The following WDR3 variants were observed in gnomAD, a reference collection of about 807,000 sequenced individuals.
WDR3 encodes WD repeat domain 3.
In WDR3, 81 loss-of-function variants were observed where a neutral mutation model predicts 123.7. The observed-to-expected ratio is 0.65, with a 90% confidence interval of 0.55 to 0.79. The LOEUF is 0.79. Ranked by LOEUF, WDR3 falls within the 30% of genes least tolerant of loss-of-function variation. The probability of loss-of-function intolerance (pLI) is 0.00; values close to 1 mark genes in which losing one functional copy is unlikely to be tolerated. For missense variants in WDR3, 1,027 were observed against 1,123.2 expected, an observed-to-expected ratio of 0.91 and a Z score of 1.22; for synonymous variants, 390 against 388.8, an observed-to-expected ratio of 1.00 and a Z score of -0.04.
rs375357091 is a variant in WDR3 at position 117,955,317 on chromosome 1, T to C, written c.2412T>C (p.Pro804=). ...PILMAYGSIS[P]SAYVLEIFKG... is the part of the protein sequence containing the mutation. The stretch of plus-strand genomic sequence containing the variant: ...TGGTATTAATCCTTCCTTTATAGCC[T>C]TCAGCTTATGTATTAGAGATTTTTA... The change falls in exon 24 of 27, where the codon CCT becomes CCC. Residue 804 remains proline (P), a splice_region_variant and synonymous_variant. Coordinates refer to ENST00000349139, the MANE Select transcript of WDR3 (RefSeq NM_006784.3). 10 of 1,611,330 alleles carry C rather than the reference T, an allele frequency of 6.2e-6. No individual in the cohort carries two copies. The highest frequency in any genetic ancestry group is 1.6e-4 in the Middle Eastern group (1 of 6,072).
intron 2 of WDR3, chr1:117,933,796 T>C (rs1650820414): frequency 5.7e-6 from 2 of 350,566 alleles, no homozygotes; most frequent in Admixed American, 8.5e-5. Flanking sequence ...ACCAATTCTA[T>C]TTTTCAAGCT....
Position 117,946,163 on chromosome 1 carries a change from T to A in WDR3, c.1406T>A (p.Val469Glu). Reference protein sequence around the residue: ...CSFFVPGDRQVVIGTKTGKLQ... With the variant: ...CSFFVPGDRQEVIGTKTGKLQ... ...TTCTTTGTACCTGGTGATAGACAGG[T>A]AGTCATAGGAACAAAGGTAAATGGA... Residue 469 changes from valine (V) to glutamate (E), a missense_variant, in exon 12 of 27, where the codon GTA (valine) becomes GAA (glutamate). By Grantham distance (121) the Val-to-Glu change is moderately radical. Transcript: ENST00000349139. 1 of 1,611,558 alleles carries A rather than the reference T, an allele frequency of 6.2e-7. No individual in the cohort carries two copies. Among genetic ancestry groups the A allele is most frequent in the Non-Finnish European group, 8.5e-7 (1 of 1,178,506 alleles).
intron 1 of WDR3, among the ~76,000 whole-genome samples, chr1:117,931,593 G>A (rs543265438): frequency 2.0e-5 from 3 of 152,288 alleles, no homozygotes; most frequent in African/African-American, 7.2e-5. Flanking sequence ...TAGTATTCAT[G>A]TAGGTGGAAA....
At chr1:117,940,076 C>T (rs1404325162) in intron 6 of WDR3, among the ~76,000 whole-genome samples, 1 of 152,114 alleles carries the variant, frequency 6.6e-6, no homozygotes, top group South Asian at 2.1e-4. Flanking sequence ...GTTATCTTTT[C>T]TTTATTTAAG....
At chr1:117,937,866 A>G (rs1479344981) in intron 4 of WDR3, among the ~76,000 whole-genome samples, 2 of 152,200 alleles carry the variant, frequency 1.3e-5, no homozygotes, top group African/African-American at 4.8e-5. Context: ...ACTGCTGCCA[A>G]TGAGCCTGAC....
intron 2 of WDR3, among the ~76,000 whole-genome samples, chr1:117,933,905 G>T (rs1650826621): frequency 1.3e-5 from 2 of 152,200 alleles, no homozygotes; most frequent in Admixed American, 6.5e-5. Flanking sequence ...ATGCCCAAGT[G>T]TTGTTAAAGT....
intron 23 of WDR3, 50 bp from the exon 24 acceptor site, chr1:117,955,265 G>C (rs1652008545): frequency 6.5e-7 from 1 of 1,533,686 alleles, no homozygotes; most frequent in Admixed American, 1.9e-5. Context: ...GAGAACTTTA[G>C]TAGAAACCAA....
At chr1:117,930,158 TC>T (rs746468093) in intron 1 of WDR3, among the ~76,000 whole-genome samples, 3 of 152,100 alleles carry the variant, frequency 2.0e-5, no homozygotes, top group Non-Finnish European at 4.4e-5. Flanking sequence ...CTTGGAAACA[TC>T]GTTTTGGGGG....
Position 117,960,169 on chromosome 1 carries a change from T to C in WDR3, c.*722T>C, listed in dbSNP as rs546322237. The C allele has an allele frequency of 2.6e-5, 4 of 150,998 alleles. No individual in the cohort carries two copies. The East Asian group carries it at 8.0e-4, about 30-fold the overall frequency. The allele number at this position is 150,998 out of a possible 1,614,324, so 9.4% of individuals were successfully genotyped here. On this transcript the variant is annotated 3_prime_UTR_variant, in exon 27 of 27. Coordinates refer to ENST00000349139, the MANE Select transcript of WDR3 (RefSeq NM_006784.3). ...GTGTATGTGTATGTGTATGTACACA[T>C]ACATATATATAGTTGACACTTGAAA... is the stretch of plus-strand genomic sequence containing the variant.
At chr1:117,949,878 G>A in intron 14 of WDR3, 42 bp downstream of exon 14, 1 of 1,611,176 alleles carries the variant, frequency 6.2e-7, no homozygotes. Context: ...GAGTGAAAAT[G>A]GGGAGCTATG....
At chr1:117,936,102 G>T (rs1335195423) in intron 3 of WDR3, among the ~76,000 whole-genome samples, 1 of 151,932 alleles carries the variant, frequency 6.6e-6, no homozygotes, top group African/African-American at 2.4e-5. Context: ...TATGATATTT[G>T]TAGTAGTTTT....
At position 117,957,087 on chromosome 1, in the gene WDR3, C is replaced by T. The variant is rs771809619; in HGVS notation, c.2473C>T (p.Leu825Phe). The change falls in exon 25 of 27, where the codon CTT becomes TTT. Residue 825 changes from leucine to phenylalanine, a missense_variant. Coordinates refer to ENST00000349139, the MANE Select transcript of WDR3 (RefSeq NM_006784.3). ...IKSSELEESL[L>F]VLPFSYVPDI... is the part of the protein sequence containing the mutation. The stretch of plus-strand genomic sequence containing the variant: ...TTTCAGTGAGCTGGAAGAATCTCTA[C>T]TTGTGCTGCCTTTCTCTTATGTCCC... 8 of 1,597,596 alleles carry T rather than the reference C, an allele frequency of 5.0e-6. No homozygotes were observed. In the South Asian group the frequency reaches 9.1e-5, roughly 18 times the overall value.
At chr1:117,953,142 C>A (rs1264607602) in intron 20 of WDR3, 146 bp downstream of exon 20, 2 of 1,036,344 alleles carry the variant, frequency 1.9e-6, no homozygotes, top group East Asian at 2.6e-5. Context: ...CTGTGTAATT[C>A]TTTCTCTTCA....
chr1:117,943,484 C>A lies in WDR3; in HGVS notation c.1186C>A (p.Pro396Thr), dbSNP rs779698066. 2 of 1,614,052 alleles carry A rather than the reference C, an allele frequency of 1.2e-6. No individual in the cohort carries two copies. Among genetic ancestry groups the A allele is most frequent in the Non-Finnish European group, 1.7e-6 (2 of 1,180,008 alleles). ...CCTGGTGGAATTGTATTCACTGAAT[C>A]CATCCTTGCCTACTCCTCAGCCTGT... ...NNLVELYSLN[P>T]SLPTPQPVRT... is the part of the protein sequence containing the mutation. The change falls in exon 11 of 27, where the codon CCA (proline) becomes ACA (threonine). Residue 396 changes from proline to threonine, a missense_variant. Physicochemically the swap from Pro to Thr is conservative, Grantham distance 38 (BLOSUM62 -1). Transcript: ENST00000349139.
intron 1 of WDR3, among the ~76,000 whole-genome samples, chr1:117,932,921 G>T (rs534231712): frequency 1.8e-4 from 28 of 151,934 alleles, no homozygotes; most frequent in Admixed American, 1.8e-3. Flanking sequence ...TTGTTCTGGC[G>T]CAGTGGCTAA....
Position 117,954,090 on chromosome 1 carries a change from A to T in WDR3, c.2352A>T (p.Ala784=). The change falls in exon 22 of 27, where the codon GCA becomes GCT. Residue 784 remains alanine, a synonymous_variant. Transcript: ENST00000349139. The part of the protein sequence containing the change: ...MKEHKAICKA[A]GKEVPLPSNP... ...AACACAAAGCCATTTGTAAAGCTGC[A>T]GGGAAAGAGGTAATAAGAGAGTACA... 1.2e-6 allele frequency: 2 copies of T among 1,612,070 alleles called. No individual in the cohort carries two copies. The highest frequency in any genetic ancestry group is 1.7e-6 in the Non-Finnish European group (2 of 1,178,622).
At chr1:117,945,915 G>T (rs1651362745) in intron 11 of WDR3, among the ~76,000 whole-genome samples, 171 bp from the exon 12 acceptor site, 2 of 152,130 alleles carry the variant, frequency 1.3e-5, no homozygotes, top group Non-Finnish European at 2.9e-5. Flanking sequence ...AAAGTTTGGT[G>T]CTTTTTAGTA....
chr1:117,945,184 CT>C (rs993607187), intron 11 of WDR3, among the ~76,000 whole-genome samples: 1 of 152,164 alleles, frequency 6.6e-6, no homozygotes, highest in African/African-American at 2.4e-5. Flanking sequence ...TTGCTTGCCC[CT>C]CTATAGTCTG....
Position 117,952,527 on chromosome 1 carries a change from G to C in WDR3, c.2017-1G>C, listed in dbSNP as rs1190078384. On this transcript the variant is annotated splice_acceptor_variant, in intron 18 of 26. Transcript: ENST00000349139. LOFTEE classifies it high-confidence loss of function. ...TTCTTTATTTTTTTTTTCTCCTCCA[G>C]GGTCATCACCAGGAAATATGGTGTT... 5.6e-6 allele frequency: 9 copies of C among 1,607,368 alleles called. No individual in the cohort carries two copies. The highest frequency in any genetic ancestry group is 6.8e-6 in the Non-Finnish European group (8 of 1,177,934).
Sources: gnomAD v4.1 joint callset for allele counts (sites outside exome capture counted in the v4.1 genomes callset) on GRCh38, gnomAD v4.1.1 for gene constraint, MANE v1.5 for transcripts, NCBI Gene and HGNC (gene_info 2026-07-23, HGNC 2026-07-21) for gene names.